The following NBPF3 variants were observed in gnomAD, a reference collection of about 807,000 sequenced individuals.
The protein encoded by NBPF3 is NBPF family member NBPF3.
In NBPF3, 57 loss-of-function variants were observed where a neutral mutation model predicts 78.1. That is an observed-to-expected ratio of 0.73 (90% CI 0.59 to 0.91). The LOEUF is 0.91. Among genes scored for constraint, NBPF3 ranks in the 40% least tolerant of loss-of-function variants. The probability of loss-of-function intolerance (pLI) is 0.00; values close to 1 mark genes in which losing one functional copy is unlikely to be tolerated. For missense variants in NBPF3, 510 were observed against 715.3 expected, an observed-to-expected ratio of 0.71 and a Z score of 3.27; for synonymous variants, 182 against 271.7, an observed-to-expected ratio of 0.67 and a Z score of 3.25.
At chr1:21,439,977 T>C (rs1450620615), upstream of NBPF3, among the ~76,000 whole-genome samples, 1 of 152,208 alleles carries the variant, frequency 6.6e-6, no homozygotes, top group Non-Finnish European at 1.5e-5. Context: ...TTACTCCTTT[T>C]CTCGGCCCGC....
intron 2 of NBPF3, chr1:21,449,899 A>C (rs10737457): frequency 0.51 from 305,289 of 597,706 alleles, 79,913 homozygotes; most frequent in Admixed American, 0.66. Flanking sequence ...GTTGAGGGCA[A>C]TATTTTTACT....
chr1:21,450,869 A>G (rs1235709192), intron 2 of NBPF3, among the ~76,000 whole-genome samples: 2 of 152,248 alleles, frequency 1.3e-5, no homozygotes, highest in Non-Finnish European at 2.9e-5. Context: ...CGGGACAGAC[A>G]TAGAATAACA....
upstream of NBPF3, among the ~76,000 whole-genome samples, chr1:21,439,614 C>G (rs183355781): frequency 2.4e-3 from 359 of 152,154 alleles, 2 homozygotes; most frequent in Non-Finnish European, 4.1e-3. Context: ...GAAAAGATGC[C>G]TATTTTAACT....
Position 21,445,159 on chromosome 1 carries a change from G to A in NBPF3, c.73G>A (p.Gly25Ser), listed in dbSNP as rs1415896546. The A allele has an allele frequency of 5.0e-6, 8 of 1,611,712 alleles. No individual in the cohort carries two copies. The highest frequency in any genetic ancestry group is 1.3e-5 in the African/African-American group (1 of 74,776). Residue 25 changes from glycine to serine, a missense_variant, in exon 2 of 15, where the codon GGT becomes AGT. This residue lies in a region of NBPF3 where 440 missense variants were observed against 478.2 expected (regional missense o/e 0.92). Coordinates refer to ENST00000318249, the MANE Select transcript of NBPF3 (RefSeq NM_032264.6). ...RGPDVETSPFGAPRAASHGVG... is the reference protein window; with the variant it reads ...RGPDVETSPFSAPRAASHGVG... ...CCCTGATGTAGAAACTTCCCCATTC[G>A]GTGCACCAAGAGCAGCCTCACATGG...
rs1443945800 is a variant in NBPF3 at position 21,471,617 on chromosome 1, A to G, written c.495A>G (p.Leu165=). The G allele has an allele frequency of 1.9e-6, 3 of 1,612,484 alleles. No individual in the cohort carries two copies. The highest frequency in any genetic ancestry group is 2.5e-6 in the Non-Finnish European group (3 of 1,179,824). Residue 165 remains leucine (L), a synonymous_variant, in exon 5 of 15, where the codon TTA becomes TTG. Coordinates refer to ENST00000318249, the MANE Select transcript of NBPF3 (RefSeq NM_032264.6). ...VHSQERELTQ[L]REKLQEGRDA... is the part of the protein sequence containing the mutation. ...CTCAGGAACGAGAGCTGACCCAGTT[A>G]AGGGAGAAGTTACAGGAAGGGAGAG...
chr1:21,444,910 C>A, intron 1 of NBPF3, 38 bp from the exon 2 acceptor site: 1 of 632,388 alleles, frequency 1.6e-6, no homozygotes, highest in Non-Finnish European at 2.6e-6. Context: ...AGCCCCAAAT[C>A]TCAATGTTAA....
intron 7 of NBPF3, among the ~76,000 whole-genome samples, chr1:21,473,935 T>A (rs1242376938): frequency 6.6e-6 from 1 of 152,226 alleles, no homozygotes; most frequent in African/African-American, 2.4e-5. Flanking sequence ...TCTGCCTTTT[T>A]AAGGCGACTG....
At position 21,455,401 on chromosome 1, in the gene NBPF3, ATAT is replaced by A. The variant is rs150184762; in HGVS notation, c.133+10186_133+10188del. 2.4e-3 allele frequency among the ~76,000 whole-genome samples: 366 copies of A among 152,318 alleles called. 1 individual carries two copies. Among genetic ancestry groups the A allele is most frequent in the Non-Finnish European group, 4.4e-3 (301 of 68,010 alleles). ...TCATCTTAGGATTCTGTCTACCATA[ATAT>A]TATAAAGACACAGTAATTAAAAGAG... On this transcript the variant is annotated intron_variant, in intron 2 of 14. Transcript: ENST00000318249.
At position 21,445,054 on chromosome 1, in the gene NBPF3, C is replaced by A. The variant is rs1640883743; in HGVS notation, c.-33C>A. On this transcript the variant is annotated 5_prime_UTR_variant, in exon 2 of 15. Coordinates refer to ENST00000318249, the MANE Select transcript of NBPF3 (RefSeq NM_032264.6). Reference sequence around the variant, plus strand: ...GTCCTCCTGAGGGTATCTGGAGCTTCAGTGCTGTGTGCTCTTGGCCTCCAC... The same window carrying A: ...GTCCTCCTGAGGGTATCTGGAGCTTAAGTGCTGTGTGCTCTTGGCCTCCAC... 3 of 1,599,268 alleles carry A rather than the reference C, an allele frequency of 1.9e-6. No homozygotes were observed. The highest frequency in any genetic ancestry group is 1.7e-5 in the Admixed American group (1 of 58,254).
In NBPF3 at chr1:21,473,473, C is replaced by T; in HGVS notation, c.828C>T (p.Ser276=). 2.5e-6 allele frequency: 4 copies of T among 1,614,142 alleles called. No homozygotes were observed. Among genetic ancestry groups the T allele is most frequent in the Non-Finnish European group, 3.4e-6 (4 of 1,180,048 alleles). The change falls in exon 7 of 15, where the codon TCC becomes TCT. Residue 276 remains serine, a synonymous_variant. Coordinates refer to ENST00000318249, the MANE Select transcript of NBPF3 (RefSeq NM_032264.6). The part of the protein sequence containing the change: ...TCSNSHHPCE[S]NQPYGNTRIT... The stretch of plus-strand genomic sequence containing the variant: ...CAAATAGCCACCACCCTTGTGAGTC[C>T]AACCAGCCTTACGGGAACACCAGAA...
At chr1:21,473,301 C>T (rs1370879934) in intron 6 of NBPF3, 79 bp from the exon 7 acceptor site, 10 of 1,520,656 alleles carry the variant, frequency 6.6e-6, no homozygotes, top group Middle Eastern at 2.1e-4. Flanking sequence ...TGCCTCCTGT[C>T]GAAACCAGCT....
intron 2 of NBPF3, among the ~76,000 whole-genome samples, chr1:21,450,293 A>ACTCTG (rs1641234996): frequency 6.6e-6 from 1 of 152,196 alleles, no homozygotes; most frequent in Non-Finnish European, 1.5e-5. Context: ...CTCCAGAGGC[A>ACTCTG]ACCTGCTTTC....
At chr1:21,477,913 G>T (rs80183156) in intron 8 of NBPF3, among the ~76,000 whole-genome samples, 4,532 of 152,238 alleles carry the variant, frequency 0.03, 92 homozygotes, top group Non-Finnish European at 0.045. Flanking sequence ...CCCTGCATTG[G>T]CTGATCTGTG....
chr1:21,447,442 A>G (rs1042000990), intron 2 of NBPF3, among the ~76,000 whole-genome samples: 3 of 152,140 alleles, frequency 2.0e-5, no homozygotes, highest in Non-Finnish European at 4.4e-5. Context: ...ACCCCTGACA[A>G]CCACTCATCA....
chr1:21,447,055 A>G (rs2147905370), intron 2 of NBPF3, among the ~76,000 whole-genome samples: 1 of 152,366 alleles, frequency 6.6e-6, no homozygotes, highest in African/African-American at 2.4e-5. Flanking sequence ...ACAGGATGCC[A>G]CCAAAACCTT....
intron 2 of NBPF3, among the ~76,000 whole-genome samples, chr1:21,462,492 T>G (rs1481091842): frequency 4.6e-5 from 7 of 151,950 alleles, no homozygotes; most frequent in Admixed American, 4.6e-4. Flanking sequence ...ACTCAAAAAT[T>G]GAAAATTGAT....
At chr1:21,457,455 A>G (rs186334375) in intron 2 of NBPF3, among the ~76,000 whole-genome samples, 1 of 151,948 alleles carries the variant, frequency 6.6e-6, no homozygotes, top group Non-Finnish European at 1.5e-5. Flanking sequence ...GAAACAACAC[A>G]ATGAAACAAT....
chr1:21,449,220 A>G (rs1242479667), intron 2 of NBPF3, among the ~76,000 whole-genome samples: 1 of 152,182 alleles, frequency 6.6e-6, no homozygotes, highest in Non-Finnish European at 1.5e-5. Context: ...ATAGTGGACT[A>G]TTGTGTTTGT....
upstream of NBPF3, among the ~76,000 whole-genome samples, chr1:21,439,382 G>A (rs759907361): frequency 6.6e-6 from 1 of 152,086 alleles, no homozygotes; most frequent in Non-Finnish European, 1.5e-5. Context: ...CCAGCTATTT[G>A]GGAGGCTAAG....
Sources: gnomAD v4.1 joint callset for allele counts (sites outside exome capture counted in the v4.1 genomes callset) on GRCh38, gnomAD v4.1.1 for gene constraint, gnomAD v4.1.1 regional missense constraint, MANE v1.5 for transcripts, NCBI Gene and HGNC (gene_info 2026-07-23, HGNC 2026-07-21) for gene names.